SLC12A7: variants seen among roughly 807,000 people sequenced by gnomAD.
SLC12A7 encodes K-Cl cotransporter 4.
SLC12A7 carries 100 observed loss-of-function variants against 120.6 expected under a neutral mutation model. That is an observed-to-expected ratio of 0.83 (90% CI 0.71 to 0.98). The LOEUF (loss-of-function observed/expected upper bound fraction) is 0.98. Among genes scored for constraint, SLC12A7 ranks in the 50% least tolerant of loss-of-function variants. The pLI is 0.00. For missense variants in SLC12A7, 1,373 were observed against 1,548.1 expected (o/e 0.89, Z 1.90); for synonymous variants, 760 against 678.0 (o/e 1.12, Z -1.88).
intron 17 of SLC12A7, among the ~76,000 whole-genome samples, chr5:1,066,870 A>G (rs905355639): frequency 6.6e-6 from 1 of 152,152 alleles, no homozygotes; most frequent in Non-Finnish European, 1.5e-5. Flanking sequence ...GGGCTCCAGA[A>G]CTAGGAGAGA....
chr5:1,087,735 T>C (rs1740039914), intron 5 of SLC12A7, among the ~76,000 whole-genome samples: 1 of 152,246 alleles, frequency 6.6e-6, no homozygotes, highest in Non-Finnish European at 1.5e-5. Flanking sequence ...GCAGCACACA[T>C]GCACTCAGAA....
intron 18 of SLC12A7, among the ~76,000 whole-genome samples, chr5:1,065,012 G>A (rs1245609973): frequency 7.2e-6 from 1 of 137,990 alleles, no homozygotes; most frequent in Non-Finnish European, 1.6e-5. Context: ...AGAGGAGACT[G>A]AGGGGACACG....
chr5:1,075,416 G>A lies in SLC12A7; in HGVS notation c.1922C>T (p.Ala641Val). 6.2e-7 allele frequency: 1 copy of A among 1,612,506 alleles called. No homozygotes were observed. The highest frequency in any genetic ancestry group is 8.5e-7 in the Non-Finnish European group (1 of 1,179,614). ...GTAGATGCAGCCAGCGATGAGCATGGCGGACAGCGCGTAGTACCAGGAGCA... is the reference window on the plus strand; with the variant it reads ...GTAGATGCAGCCAGCGATGAGCATGACGGACAGCGCGTAGTACCAGGAGCA... ...FICSWYYALS[A>V]MLIAGCIYKY... Residue 641 changes from alanine to valine, a missense_variant, in exon 15 of 24, where the codon GCC (alanine) becomes GTC (valine). By Grantham distance (64) the Ala-to-Val change is moderately conservative. Transcript: ENST00000264930.
intron 1 of SLC12A7, among the ~76,000 whole-genome samples, chr5:1,110,932 C>A (rs1742951352): frequency 6.6e-6 from 1 of 152,242 alleles, no homozygotes; most frequent in Non-Finnish European, 1.5e-5. Context: ...GCCTTTCCTG[C>A]CCGGGATGGT....
In SLC12A7 at chr5:1,088,963, C is replaced by A. The variant is rs1052175288; in HGVS notation, c.489+19G>T. On this transcript the variant is annotated intron_variant, in intron 4 of 23. Transcript: ENST00000264930. ...CCACCGCCCGAAGGCACAGCCACAC[C>A]TGGCCGGGGGAGACTCACACATGTG... 5.6e-6 allele frequency: 9 copies of A among 1,612,436 alleles called. No homozygotes were observed. Among genetic ancestry groups the A allele is most frequent in the Non-Finnish European group, 7.6e-6 (9 of 1,179,820 alleles).
chr5:1,105,322 G>T (rs1328090965), intron 1 of SLC12A7, among the ~76,000 whole-genome samples: 1 of 149,114 alleles, frequency 6.7e-6, no homozygotes, highest in Admixed American at 6.6e-5. Flanking sequence ...CTCCCCGCAG[G>T]GATGAGGTCC....
chr5:1,099,018 G>A (rs1206478358), intron 1 of SLC12A7, among the ~76,000 whole-genome samples: 5 of 152,090 alleles, frequency 3.3e-5, no homozygotes, highest in African/African-American at 1.2e-4. Context: ...GAAAGCCTGG[G>A]CGTGCGGTGC....
chr5:1,064,210 A>G lies in SLC12A7; in HGVS notation c.2480T>C (p.Val827Ala), dbSNP rs1181359570. 2.5e-6 allele frequency: 4 copies of G among 1,612,164 alleles called. No individual in the cohort carries two copies. In the African/African-American group the frequency reaches 5.3e-5, roughly 22 times the overall value. The part of the protein sequence containing the change: ...DTTAAHQALL[V>A]AKNVDSFPQN... ...CGGAAACGAGTCGACGTTCTTGGCC[A>G]CCAGCAGAGCCTGGTGCGCGGCGGT... Residue 827 changes from valine to alanine, a missense_variant, in exon 19 of 24, where the codon GTG becomes GCG. By Grantham distance (64) the Val-to-Ala change is moderately conservative. Coordinates refer to ENST00000264930, the MANE Select transcript of SLC12A7 (RefSeq NM_006598.3).
the SLC12A7 span, among the ~76,000 whole-genome samples, chr5:1,153,098 C>A: frequency 6.6e-6 from 1 of 152,242 alleles, no homozygotes; most frequent in South Asian, 2.1e-4. Context: ...TGGAGCCATC[C>A]TCCTCCAACC....
chr5:1,083,701 C>A, intron 8 of SLC12A7, 44 bp downstream of exon 8: 1 of 1,579,240 alleles, frequency 6.3e-7, no homozygotes. Context: ...GCGCCTGCTG[C>A]CCCCGCCACC....
In SLC12A7 at chr5:1,087,751, C is replaced by T. The variant is rs568521886; in HGVS notation, c.544+555G>A. Among the ~76,000 whole-genome samples, 8 of 152,346 alleles carry T rather than the reference C, an allele frequency of 5.3e-5. No homozygotes were observed. In the South Asian group the frequency reaches 1.0e-3, roughly 20 times the overall value. On this transcript the variant is annotated intron_variant, in intron 5 of 23. Coordinates refer to ENST00000264930, the MANE Select transcript of SLC12A7 (RefSeq NM_006598.3). ...CAGCACACATGCACTCAGAAGCAGA[C>T]GTGGCAGCGTCTCCGTTCACTAGTT...
At chr5:1,089,166 C>T in intron 3 of SLC12A7, 38 bp from the exon 4 acceptor site, 4 of 1,600,558 alleles carry the variant, frequency 2.5e-6, no homozygotes, top group Non-Finnish European at 3.4e-6. Flanking sequence ...GGCTCGTACC[C>T]CACACCCAGA....
the SLC12A7 span, among the ~76,000 whole-genome samples, chr5:1,138,767 T>C: frequency 6.6e-6 from 1 of 152,202 alleles, no homozygotes; most frequent in Non-Finnish European, 1.5e-5. Context: ...GGTCCAAACT[T>C]AGAAGGACTT....
At chr5:1,106,102 T>C (rs77601032) in intron 1 of SLC12A7, among the ~76,000 whole-genome samples, 5,824 of 152,340 alleles carry the variant, frequency 0.038, 153 homozygotes, top group Non-Finnish European at 0.064. Context: ...TGGTTAATAC[T>C]TAACGTCAAA....
chr5:1,132,533 G>A, the SLC12A7 span, among the ~76,000 whole-genome samples: 5 of 152,146 alleles, frequency 3.3e-5, no homozygotes, highest in South Asian at 6.2e-4. Flanking sequence ...TCTGGTAACA[G>A]TTCTTTTTTC....
intron 1 of SLC12A7, 93 bp downstream of exon 1, chr5:1,111,775 C>G (rs557462784): frequency 2.6e-6 from 3 of 1,147,926 alleles, no homozygotes; most frequent in East Asian, 7.6e-5. Flanking sequence ...CCTGTACCCC[C>G]GGCCCCGCCG....
chr5:1,080,112 C>G (rs1738837606), intron 9 of SLC12A7, among the ~76,000 whole-genome samples: 1 of 152,218 alleles, frequency 6.6e-6, no homozygotes, highest in Non-Finnish European at 1.5e-5. Flanking sequence ...AGCCCACAAT[C>G]CAGTGCCGCG....
At chr5:1,073,930 CAG>C (rs776505520) in intron 16 of SLC12A7, 129 bp from the exon 17 acceptor site, 62 of 922,780 alleles carry the variant, frequency 6.7e-5, no homozygotes, top group East Asian at 1.2e-4. Context: ...ACAGGCGGGA[CAG>C]GGGACAAAAG....
chr5:1,063,996 G>T, intron 19 of SLC12A7, 21 bp from the exon 20 acceptor site: 1 of 1,610,856 alleles, frequency 6.2e-7, no homozygotes, highest in Non-Finnish European at 8.5e-7. Context: ...GGAGGGCATG[G>T]CTGTGGGGCC....
Sources: allele counts gnomAD v4.1 joint callset (sites outside exome capture counted in the v4.1 genomes callset), GRCh38; gene constraint gnomAD v4.1.1; transcripts MANE v1.5; gene names NCBI Gene and HGNC (gene_info 2026-07-23, HGNC 2026-07-21).